The following LRRC37A2 variants were observed in gnomAD, a reference collection of about 807,000 sequenced individuals.
The protein encoded by LRRC37A2 is leucine rich repeat containing 37 member A2.
A neutral mutation model predicts 68.8 loss-of-function variants in LRRC37A2; 9 were observed. That is an observed-to-expected ratio of 0.13 (90% CI 0.08 to 0.23). The LOEUF (loss-of-function observed/expected upper bound fraction) is 0.23. LRRC37A2 is among the 10% of genes least tolerant of loss of function. The probability of loss-of-function intolerance (pLI) is 1.00; values close to 1 mark genes in which losing one functional copy is unlikely to be tolerated. For missense variants in LRRC37A2, 168 were observed against 950.4 expected (o/e 0.18, Z 10.82); for synonymous variants, 63 against 367.6 (o/e 0.17, Z 9.48).
chr17:46,941,985 T>C, the LRRC37A2 span: 5 of 982,236 alleles, frequency 5.1e-6, no homozygotes, highest in African/African-American at 3.5e-5. Flanking sequence ...GCAAAACTTG[T>C]TAAGTCCAAA....
the LRRC37A2 span, chr17:46,768,921 A>C: frequency 7.0e-7 from 1 of 1,435,580 alleles, no homozygotes; most frequent in East Asian, 2.4e-5. This position sits in a 1 kb window ranked among gnomAD's most constrained non-coding sequence, Gnocchi z 5.0. Flanking sequence ...CTGTGACAGG[A>C]AGAGAACTGA....
the LRRC37A2 span, among the ~76,000 whole-genome samples, chr17:46,857,223 C>T: frequency 6.6e-6 from 1 of 152,096 alleles, no homozygotes; most frequent in African/African-American, 2.4e-5. Flanking sequence ...AATCCCAGCA[C>T]TTTGGGAGGC....
chr17:46,704,804 C>A, the LRRC37A2 span: 1 of 1,607,994 alleles, frequency 6.2e-7, no homozygotes, highest in East Asian at 2.2e-5. Flanking sequence ...AGAAAGCCTG[C>A]AAGTGACGAG....
chr17:46,875,216 G>T, the LRRC37A2 span: 1 of 1,614,202 alleles, frequency 6.2e-7, no homozygotes, highest in Non-Finnish European at 8.5e-7. Flanking sequence ...ACTCTCCGGG[G>T]CTGGAGAGCC....
chr17:46,938,266 T>C, the LRRC37A2 span, among the ~76,000 whole-genome samples: 68,299 of 152,052 alleles, frequency 0.45, 15,604 homozygotes, highest in East Asian at 0.55. Flanking sequence ...TTAATTTTTA[T>C]GTATAATGTG....
chr17:46,476,639 G>A, the LRRC37A2 span: 4 of 392,182 alleles, frequency 1.0e-5, 1 homozygote, highest in Middle Eastern at 1.7e-3. Context: ...AGCTGAGATC[G>A]TACCACTGCA....
At chr17:46,950,267 C>T in the LRRC37A2 span, among the ~76,000 whole-genome samples, 1 of 152,234 alleles carries the variant, frequency 6.6e-6, no homozygotes. Context: ...TCCCTCCATA[C>T]TGGTCCCCAG....
At chr17:46,833,718 A>G in the LRRC37A2 span, among the ~76,000 whole-genome samples, 1 of 152,124 alleles carries the variant, frequency 6.6e-6, no homozygotes, top group African/African-American at 2.4e-5. Flanking sequence ...GCTGTTTCCC[A>G]CGTGAGTGAG....
chr17:46,541,866 G>A (rs1423049048), intron 8 of LRRC37A2, among the ~76,000 whole-genome samples: 1 of 150,276 alleles, frequency 6.7e-6, no homozygotes, highest in Non-Finnish European at 1.5e-5. Flanking sequence ...ATCTGCAGGG[G>A]GTCCTGGAGC....
the LRRC37A2 span, among the ~76,000 whole-genome samples, chr17:47,003,743 T>C: frequency 2.0e-5 from 3 of 152,330 alleles, no homozygotes; most frequent in East Asian, 5.8e-4. Flanking sequence ...TATTATACTT[T>C]AAGTTCTAGG....
the LRRC37A2 span, among the ~76,000 whole-genome samples, chr17:46,733,303 A>C: frequency 6.6e-6 from 1 of 152,012 alleles, no homozygotes; most frequent in Non-Finnish European, 1.5e-5. Context: ...TGCAGCCTGC[A>C]GGACCAGTGG....
At chr17:46,418,193 TTGTGTGTG>T in the LRRC37A2 span, among the ~76,000 whole-genome samples, 2 of 57,074 alleles carry the variant, frequency 3.5e-5, 1 homozygote, top group African/African-American at 7.6e-5. Context: ...GGAAAATAAA[TTGTGTGTG>T]TGTGTGTGTG....
At chr17:46,938,248 A>T in the LRRC37A2 span, among the ~76,000 whole-genome samples, 1 of 152,272 alleles carries the variant, frequency 6.6e-6, no homozygotes, top group Admixed American at 6.5e-5. Context: ...TCTATGAACC[A>T]TCTCAAATTA....
the LRRC37A2 span, chr17:46,774,054 C>T: frequency 2.1e-5 from 26 of 1,213,826 alleles, no homozygotes; most frequent in Middle Eastern, 2.7e-4. Flanking sequence ...CCTTTGACCT[C>T]GGGAGCATGC....
chr17:46,876,665 G>A, the LRRC37A2 span: 22 of 1,596,958 alleles, frequency 1.4e-5, no homozygotes, highest in East Asian at 2.2e-5. Context: ...GTGCTGCTAC[G>A]TGGAGTGCCA....
At chr17:46,711,299 T>TA in the LRRC37A2 span, among the ~76,000 whole-genome samples, 1 of 152,348 alleles carries the variant, frequency 6.6e-6, no homozygotes, top group African/African-American at 2.4e-5. Flanking sequence ...TTTCTTGGGG[T>TA]AGAATGTTAG....
intron 8 of LRRC37A2, among the ~76,000 whole-genome samples, chr17:46,542,124 T>TA (rs147322148): frequency 1.2e-4 from 16 of 133,264 alleles, no homozygotes; most frequent in East Asian, 4.3e-4. Flanking sequence ...GGACTCTGTC[T>TA]AAAAAAAAAA....
chr17:46,503,545 AATC>A, the LRRC37A2 span, among the ~76,000 whole-genome samples: 2 of 133,770 alleles, frequency 1.5e-5, no homozygotes, highest in Admixed American at 7.6e-5. Flanking sequence ...TCATGAATAT[AATC>A]ATATTCTACA....
chr17:46,697,250 G>A, the LRRC37A2 span, among the ~76,000 whole-genome samples: 7 of 118,304 alleles, frequency 5.9e-5, no homozygotes, highest in Non-Finnish European at 1.0e-4. Flanking sequence ...TTACTCTGTC[G>A]CCCAGGCTGG....
Sources: allele counts gnomAD v4.1 joint callset (sites outside exome capture counted in the v4.1 genomes callset), GRCh38; gene constraint gnomAD v4.1.1; non-coding constraint Gnocchi (gnomAD v3.1); transcripts MANE v1.5; gene names NCBI Gene and HGNC (gene_info 2026-07-23, HGNC 2026-07-21).